FARS2: variants seen among roughly 807,000 people sequenced by gnomAD.
FARS2 encodes phenylalanyl-tRNA synthetase 2, mitochondrial.
FARS2 carries 40 observed loss-of-function variants against 46.4 expected under a neutral mutation model. The ratio of observed to expected loss-of-function variants is 0.86; its 90% confidence interval spans 0.67 to 1.12. The LOEUF (loss-of-function observed/expected upper bound fraction) is 1.12, where lower values mean the gene tolerates loss of function less well. FARS2 is among the 50% of genes most tolerant of loss of function. The probability of loss-of-function intolerance (pLI) is 0.00; values close to 1 mark genes in which losing one functional copy is unlikely to be tolerated. For synonymous variants in FARS2, 234 were observed against 214.9 expected (o/e 1.09, Z -0.78); for missense variants, 513 against 567.9 (o/e 0.90, Z 0.98).
At chr6:5,428,531 A>G (rs1482683273) in intron 3 of FARS2, among the ~76,000 whole-genome samples, 1 of 152,210 alleles carries the variant, frequency 6.6e-6, no homozygotes, top group Non-Finnish European at 1.5e-5. Context: ...TTGTCATAAA[A>G]TGTTTTCCGC....
chr6:5,404,771 G>GT lies in FARS2; in HGVS notation c.772+86dup, dbSNP rs35291527. On this transcript the variant is annotated intron_variant, in intron 3 of 6. Coordinates refer to ENST00000274680, the MANE Select transcript of FARS2 (RefSeq NM_006567.5). ...TGGGACAGAAGTGTTTTGGATTTGG[G>GT]TTTTTTTTTTTTTTTTCATATTTTG... The GT allele has an allele frequency of 0.13, 80,286 of 610,520 alleles. 43 individuals carry two copies. The highest frequency in any genetic ancestry group is 0.15 in the Middle Eastern group (278 of 1,896). 37.8% of individuals were successfully genotyped at this position (610,520 alleles called of 1,614,324 possible).
intron 1 of FARS2, among the ~76,000 whole-genome samples, chr6:5,270,974 T>C (rs2127825253): frequency 6.6e-6 from 1 of 152,346 alleles, no homozygotes. Flanking sequence ...CATCTTCCTC[T>C]GTTAAGCTCC....
intron 1 of FARS2, among the ~76,000 whole-genome samples, chr6:5,363,299 G>A (rs1429826376): frequency 6.6e-6 from 1 of 152,034 alleles, no homozygotes; most frequent in East Asian, 1.9e-4. Context: ...TTGGACATTA[G>A]CTTTTTCCCA....
chr6:5,446,236 G>A (rs1488425209), intron 4 of FARS2, among the ~76,000 whole-genome samples: 6 of 150,510 alleles, frequency 4.0e-5, no homozygotes, highest in Admixed American at 6.6e-5. Flanking sequence ...TTTTTACCTC[G>A]AGGCATGCCT....
rs567978869 is a variant in FARS2, at chr6:5,433,922, A to G, written c.904+2750A>G. Among the ~76,000 whole-genome samples the G allele has an allele frequency of 1.2e-4, 18 of 152,312 alleles. 1 individual carries two copies. Among genetic ancestry groups the G allele is most frequent in the African/African-American group, 4.1e-4 (17 of 41,576 alleles). On this transcript the variant is annotated intron_variant, in intron 4 of 6. Coordinates refer to ENST00000274680, the MANE Select transcript of FARS2 (RefSeq NM_006567.5). ...TTGGCTGAATATTGTTATCTGAAACAGATTTCCAAGTCATTATTGCACGTT... is the reference window on the plus strand; with the variant it reads ...TTGGCTGAATATTGTTATCTGAAACGGATTTCCAAGTCATTATTGCACGTT...
At chr6:5,358,490 T>G (rs957970981) in intron 1 of FARS2, among the ~76,000 whole-genome samples, 1 of 152,158 alleles carries the variant, frequency 6.6e-6, no homozygotes, top group Non-Finnish European at 1.5e-5. Context: ...TTTGATATTT[T>G]TGTGTAAGAG....
chr6:5,297,947 A>G (rs999249352), intron 1 of FARS2, among the ~76,000 whole-genome samples: 2 of 152,254 alleles, frequency 1.3e-5, no homozygotes, highest in African/African-American at 4.8e-5. Flanking sequence ...TTACTTTTAA[A>G]TAAAACCAAG....
At chr6:5,538,438 C>T (rs979103439) in intron 4 of FARS2, among the ~76,000 whole-genome samples, 2 of 152,160 alleles carry the variant, frequency 1.3e-5, no homozygotes, top group Non-Finnish European at 2.9e-5. Context: ...GTACCCTGAA[C>T]AGTTGTGCAG....
intron 2 of FARS2, among the ~76,000 whole-genome samples, chr6:5,370,823 C>A (rs1759011538): frequency 6.6e-6 from 1 of 152,216 alleles, no homozygotes; most frequent in South Asian, 2.1e-4. Context: ...AATTACTAAT[C>A]TAAACTGATG....
intron 4 of FARS2, among the ~76,000 whole-genome samples, chr6:5,462,602 G>A (rs902861627): frequency 6.6e-6 from 1 of 152,112 alleles, no homozygotes; most frequent in African/African-American, 2.4e-5. Context: ...TTTTGAATGT[G>A]TATATCCATT....
At chr6:5,332,627 A>C (rs1053044293) in intron 1 of FARS2, among the ~76,000 whole-genome samples, 10 of 152,252 alleles carry the variant, frequency 6.6e-5, no homozygotes, top group African/African-American at 2.4e-4. Context: ...TAACTCAGAG[A>C]ACCTTACTGT....
intron 5 of FARS2, among the ~76,000 whole-genome samples, chr6:5,563,810 T>A (rs1172100789): frequency 6.6e-6 from 1 of 152,164 alleles, no homozygotes; most frequent in Non-Finnish European, 1.5e-5. Flanking sequence ...AAGTGCTTAA[T>A]AAAGGGGTTA....
At chr6:5,546,312 G>T (rs1023937337) in intron 5 of FARS2, among the ~76,000 whole-genome samples, 2 of 145,916 alleles carry the variant, frequency 1.4e-5, no homozygotes, top group Admixed American at 6.9e-5. Context: ...GCTGGAGTGC[G>T]CGATCTTGGC....
chr6:5,523,884 C>G (rs1454675188), intron 4 of FARS2, among the ~76,000 whole-genome samples: 2 of 152,182 alleles, frequency 1.3e-5, no homozygotes, highest in African/African-American at 4.8e-5. Context: ...TCCCAAATCC[C>G]CCTACTTCTT....
chr6:5,263,962 A>T (rs942949898), intron 1 of FARS2, among the ~76,000 whole-genome samples: 10 of 152,232 alleles, frequency 6.6e-5, no homozygotes, highest in African/African-American at 2.2e-4. Context: ...CTGTAATCCC[A>T]GCACTTTGGG....
intron 5 of FARS2, among the ~76,000 whole-genome samples, chr6:5,591,901 AAG>A (rs1215283642): frequency 6.6e-6 from 1 of 152,222 alleles, no homozygotes; most frequent in Non-Finnish European, 1.5e-5. Context: ...CTTGTGGAAA[AAG>A]AGTATCTTAC....
chr6:5,370,118 G>A (rs902143882), intron 2 of FARS2, among the ~76,000 whole-genome samples: 1 of 152,142 alleles, frequency 6.6e-6, no homozygotes, highest in African/African-American at 2.4e-5. Flanking sequence ...TCCTGCCAAC[G>A]TAAGCTAAAT....
chr6:5,420,159 C>G lies in FARS2; in HGVS notation c.773-10882C>G, dbSNP rs186090139. On this transcript the variant is annotated intron_variant, in intron 3 of 6. Transcript: ENST00000274680. ...CTCTTGTGAGACTTATTCACTGCAA[C>G]AAGAACAGCATGAGAAAGACCTACC... Among the ~76,000 whole-genome samples, 164 of 152,260 alleles carry G rather than the reference C, an allele frequency of 1.1e-3. 2 individuals carry two copies. The highest frequency in any genetic ancestry group is 2.3e-3 in the Admixed American group (35 of 15,296).
At chr6:5,257,576 C>T (rs904450621), upstream of FARS2, among the ~76,000 whole-genome samples, 19 of 152,212 alleles carry the variant, frequency 1.2e-4, no homozygotes, top group African/African-American at 4.1e-4. Context: ...AACCGGGCCA[C>T]ACAGCAGTTG....
Sources: allele counts gnomAD v4.1 joint callset (sites outside exome capture counted in the v4.1 genomes callset), GRCh38; gene constraint gnomAD v4.1.1; transcripts MANE v1.5; gene names NCBI Gene and HGNC (gene_info 2026-07-23, HGNC 2026-07-21).